Variants in PIEZO2 observed in about 807,000 individuals in gnomAD.
The protein encoded by PIEZO2 is piezo-type mechanosensitive ion channel component 2.
PIEZO2 carries 172 observed loss-of-function variants against 337.3 expected under a neutral mutation model. The observed-to-expected ratio is 0.51, with a 90% CI of 0.45 to 0.58. The LOEUF is 0.58. Ranked by LOEUF, PIEZO2 falls within the 20% of genes least tolerant of loss-of-function variation. The pLI, the probability that PIEZO2 is intolerant of heterozygous loss-of-function variation, is 0.00. For synonymous variants in PIEZO2, 1,251 were observed against 1,228.5 expected (o/e 1.02, Z -0.38); for missense variants, 3,028 against 3,391.3 (o/e 0.89, Z 2.66).
At chr18:11,015,572 TATC>T (rs1156770262) in intron 2 of PIEZO2, among the ~76,000 whole-genome samples, 2 of 152,108 alleles carry the variant, frequency 1.3e-5, no homozygotes, top group East Asian at 1.9e-4. Flanking sequence ...ATATCAATAA[TATC>T]ATGTTTTAAG....
At chr18:10,715,006 G>A in intron 38 of PIEZO2, 76 bp from the exon 39 acceptor site, 1 of 1,428,876 alleles carries the variant, frequency 7.0e-7, no homozygotes, top group Non-Finnish European at 9.4e-7. Flanking sequence ...TCTCAACACA[G>A]ACAGCTTTTC....
At chr18:11,019,936 AC>A (rs2036252953) in intron 2 of PIEZO2, among the ~76,000 whole-genome samples, 2 of 152,206 alleles carry the variant, frequency 1.3e-5, no homozygotes, top group South Asian at 4.1e-4. Flanking sequence ...TGTCTCCAGT[AC>A]TGGAGGCTGT....
At chr18:10,697,707 C>T (rs2035156379) in intron 45 of PIEZO2, 41 bp downstream of exon 45, 1 of 1,601,322 alleles carries the variant, frequency 6.2e-7, no homozygotes, top group Admixed American at 1.7e-5. Flanking sequence ...GCCCAAAACC[C>T]TACAATAAAG....
chr18:10,932,533 T>C (rs2032154614), intron 3 of PIEZO2, among the ~76,000 whole-genome samples: 1 of 152,194 alleles, frequency 6.6e-6, no homozygotes, highest in Non-Finnish European at 1.5e-5. Context: ...AAACCACCCA[T>C]GGTCCTAGCC....
intron 54 of PIEZO2, 48 bp downstream of exon 54, chr18:10,675,160 TA>T: frequency 7.6e-7 from 1 of 1,320,268 alleles, no homozygotes; most frequent in Non-Finnish European, 1.1e-6. Flanking sequence ...TGAAATTGAA[TA>T]AAACTAGGAT....
At chr18:10,959,596 A>G (rs1438821632) in intron 3 of PIEZO2, among the ~76,000 whole-genome samples, 2 of 152,284 alleles carry the variant, frequency 1.3e-5, no homozygotes, top group Non-Finnish European at 2.9e-5. Flanking sequence ...TTGCGTATGT[A>G]TGCCAACACC....
chr18:11,096,615 A>G lies in PIEZO2; in HGVS notation c.65-30393T>C, dbSNP rs1198028137. ...GTTGACCTTTAAATTTCTCAGATTT[A>G]TGGCTTATTTCCTGCCCTTCACCCT... On this transcript the variant is annotated intron_variant, in intron 1 of 55. Coordinates refer to ENST00000674853, the MANE Select transcript of PIEZO2 (RefSeq NM_001378183.1). This position sits in a 1 kb window ranked among gnomAD's most constrained non-coding sequence, Gnocchi z 4.6. 1.3e-5 allele frequency among the ~76,000 whole-genome samples: 2 copies of G among 152,162 alleles called. No homozygotes were observed. Among genetic ancestry groups the G allele is most frequent in the African/African-American group, 4.8e-5 (2 of 41,436 alleles).
chr18:10,778,703 A>T (rs1044456163), intron 18 of PIEZO2, among the ~76,000 whole-genome samples: 1 of 152,178 alleles, frequency 6.6e-6, no homozygotes, highest in African/African-American at 2.4e-5. Flanking sequence ...TAAAGATGGG[A>T]TATTGCAAGT....
At position 11,094,937 on chromosome 18, in the gene PIEZO2, C is replaced by T. The variant is rs909151106; in HGVS notation, c.65-28715G>A. On this transcript the variant is annotated intron_variant, in intron 1 of 55. Coordinates refer to ENST00000674853, the MANE Select transcript of PIEZO2 (RefSeq NM_001378183.1). This position sits in a 1 kb window ranked among gnomAD's most constrained non-coding sequence, Gnocchi z 4.4. ...CCCCTCTTCCTACAGCTCCAAAAGCCACCCGCTGGAAGGGGGCCCCAGGGC... is the reference window on the plus strand; with the variant it reads ...CCCCTCTTCCTACAGCTCCAAAAGCTACCCGCTGGAAGGGGGCCCCAGGGC... Among the ~76,000 whole-genome samples, 14 of 152,230 alleles carry T rather than the reference C, an allele frequency of 9.2e-5. No individual in the cohort carries two copies. The highest frequency in any genetic ancestry group is 3.1e-4 in the African/African-American group (13 of 41,472).
intron 54 of PIEZO2, among the ~76,000 whole-genome samples, chr18:10,674,561 C>T (rs1338759740): frequency 1.3e-5 from 2 of 152,256 alleles, no homozygotes; most frequent in African/African-American, 4.8e-5. Flanking sequence ...AACACAGCAG[C>T]ACGGAGCCCA....
chr18:10,930,207 C>T (rs1330882363), intron 3 of PIEZO2, among the ~76,000 whole-genome samples: 4 of 152,180 alleles, frequency 2.6e-5, no homozygotes. Flanking sequence ...CCTTTCCTTA[C>T]TAGGTCGCTT....
intron 7 of PIEZO2, among the ~76,000 whole-genome samples, chr18:10,848,473 A>C (rs1038085130): frequency 3.3e-5 from 5 of 152,180 alleles, no homozygotes; most frequent in African/African-American, 1.2e-4. Flanking sequence ...AATTATCATG[A>C]TTTATTGAAG....
chr18:10,838,332 T>C (rs911612993), intron 7 of PIEZO2, among the ~76,000 whole-genome samples: 10 of 152,188 alleles, frequency 6.6e-5, no homozygotes, highest in Admixed American at 3.3e-4. Flanking sequence ...GCCAAACCCA[T>C]AGATATTTTA....
At chr18:10,882,203 T>C (rs2144858377) in intron 4 of PIEZO2, among the ~76,000 whole-genome samples, 1 of 152,308 alleles carries the variant, frequency 6.6e-6, no homozygotes, top group East Asian at 1.9e-4. Flanking sequence ...TCCGTGACCA[T>C]GGCAGGACTA....
chr18:10,964,744 G>A (rs1199189660), intron 3 of PIEZO2, among the ~76,000 whole-genome samples: 1 of 152,144 alleles, frequency 6.6e-6, no homozygotes, highest in African/African-American at 2.4e-5. Context: ...TACCCATTAA[G>A]TAATCATGCC....
chr18:10,683,317 A>G lies in PIEZO2; in HGVS notation c.7498-1025T>C, dbSNP rs2034360452. Reference sequence around the variant, plus strand: ...TACAGTGGCTTTTACAAGCCTGGACACTAAGTGCCAAAGATGGTGCCGGAA... The same window carrying G: ...TACAGTGGCTTTTACAAGCCTGGACGCTAAGTGCCAAAGATGGTGCCGGAA... On this transcript the variant is annotated intron_variant, in intron 49 of 55. Coordinates refer to ENST00000674853, the MANE Select transcript of PIEZO2 (RefSeq NM_001378183.1). 3.9e-5 allele frequency among the ~76,000 whole-genome samples: 6 copies of G among 152,240 alleles called. No individual in the cohort carries two copies. In the South Asian group the frequency reaches 1.2e-3, roughly 32 times the overall value.
chr18:11,100,769 G>GTA lies in PIEZO2; in HGVS notation c.65-34549_65-34548dup, dbSNP rs2039393867. Among the ~76,000 whole-genome samples the GTA allele has an allele frequency of 6.6e-5, 10 of 152,202 alleles. 1 individual carries two copies. In the South Asian group the frequency reaches 2.1e-3, roughly 32 times the overall value. ...CGCCACCACGCCTGGCTAATTTTTTGTATTTTTAGTAGAGACAGGGTTTCA... is the reference window on the plus strand; with the variant it reads ...CGCCACCACGCCTGGCTAATTTTTTGTATATTTTTAGTAGAGACAGGGTTTCA... On this transcript the variant is annotated intron_variant, in intron 1 of 55. Transcript: ENST00000674853.
At chr18:11,066,053 G>A (rs1415600367) in intron 2 of PIEZO2, 74 bp downstream of exon 2, 3 of 1,219,096 alleles carry the variant, frequency 2.5e-6, no homozygotes, top group Non-Finnish European at 3.5e-6. Flanking sequence ...TTAGATAAAG[G>A]CCATCCCAAG....
intron 39 of PIEZO2, among the ~76,000 whole-genome samples, chr18:10,712,095 A>C (rs545481711): frequency 2.0e-5 from 3 of 152,260 alleles, no homozygotes; most frequent in African/African-American, 7.2e-5. Context: ...TTTGATCATG[A>C]ATAGTTCCTA....
Sources: gnomAD v4.1 joint callset for allele counts (sites outside exome capture counted in the v4.1 genomes callset) on GRCh38, gnomAD v4.1.1 for gene constraint, Gnocchi (gnomAD v3.1) non-coding constraint, MANE v1.5 for transcripts, NCBI Gene and HGNC (gene_info 2026-07-23, HGNC 2026-07-21) for gene names.